ITCH: variants seen among roughly 807,000 people sequenced by gnomAD.
The protein encoded by ITCH is itchy E3 ubiquitin protein ligase.
ITCH carries 28 observed loss-of-function variants against 126.8 expected under a neutral mutation model. The observed-to-expected ratio is 0.22, with a 90% CI of 0.16 to 0.30. The LOEUF (loss-of-function observed/expected upper bound fraction) is 0.30. Among genes scored for constraint, ITCH ranks in the 10% least tolerant of loss-of-function variants. The probability of loss-of-function intolerance (pLI) is 1.00; values close to 1 mark genes in which losing one functional copy is unlikely to be tolerated. For missense variants in ITCH, 631 were observed against 1,032.4 expected (o/e 0.61, Z 5.33); for synonymous variants, 342 against 340.0 (o/e 1.01, Z -0.06).
chr20:34,435,509 T>G (rs1159616005), intron 7 of ITCH, among the ~76,000 whole-genome samples: 2 of 152,104 alleles, frequency 1.3e-5, no homozygotes, highest in Non-Finnish European at 2.9e-5. Context: ...AGAGTTTTTG[T>G]CTTTAATAAT....
intron 1 of ITCH, 83 bp from the exon 2 acceptor site, chr20:34,369,311 G>A (rs991496089): frequency 8.3e-5 from 32 of 384,830 alleles, no homozygotes; most frequent in South Asian, 2.9e-4. Context: ...CTAGCCTGGC[G>A]ACAGAGCAAG....
intron 2 of ITCH, among the ~76,000 whole-genome samples, chr20:34,382,731 T>C (rs1183608479): frequency 7.3e-6 from 1 of 137,548 alleles, no homozygotes; most frequent in Non-Finnish European, 1.5e-5. Flanking sequence ...ATTATTACTA[T>C]TATTATTATT....
intron 16 of ITCH, among the ~76,000 whole-genome samples, chr20:34,474,217 A>C (rs533173427): frequency 1.4e-5 from 2 of 145,296 alleles, no homozygotes; most frequent in Non-Finnish European, 3.0e-5. Context: ...GCAGAGGGGG[A>C]TTTGGCAGGG....
At chr20:34,414,448 C>T (rs1601842960) in intron 6 of ITCH, among the ~76,000 whole-genome samples, 1 of 130,730 alleles carries the variant, frequency 7.6e-6, no homozygotes. Context: ...TTAAATATGA[C>T]TTTAAATCCT....
At chr20:34,398,588 G>A (rs1384588996) in intron 3 of ITCH, among the ~76,000 whole-genome samples, 2 of 151,920 alleles carry the variant, frequency 1.3e-5, no homozygotes, top group African/African-American at 4.8e-5. Flanking sequence ...TAGTAAAAAC[G>A]GGTTTTCACC....
intron 3 of ITCH, among the ~76,000 whole-genome samples, chr20:34,398,793 G>T (rs1451964808): frequency 6.6e-6 from 1 of 151,680 alleles, no homozygotes; most frequent in African/African-American, 2.4e-5. Flanking sequence ...CTCAAGTGTA[G>T]GGCAAAAAAC....
intron 6 of ITCH, chr20:34,417,137 C>T (rs1394583571): frequency 2.9e-6 from 2 of 680,718 alleles, no homozygotes; most frequent in Non-Finnish European, 5.4e-6. Context: ...GCTCTGTTTG[C>T]CCAGGCTGGA....
chr20:34,373,078 G>T (rs893806629), intron 2 of ITCH, among the ~76,000 whole-genome samples: 2 of 150,830 alleles, frequency 1.3e-5, no homozygotes, highest in African/African-American at 2.4e-5. Flanking sequence ...GGGTTCAAGC[G>T]ATTCTCCTGC....
At chr20:34,402,123 C>T in intron 3 of ITCH, 1 of 919,036 alleles carries the variant, frequency 1.1e-6, no homozygotes, top group Non-Finnish European at 1.8e-6. Flanking sequence ...ACCAGCTATG[C>T]AGAAAGGGCT....
At chr20:34,486,665 T>TTTAA (rs148394049) in intron 20 of ITCH, among the ~76,000 whole-genome samples, 1 of 149,104 alleles carries the variant, frequency 6.7e-6, no homozygotes, top group Admixed American at 6.7e-5. Flanking sequence ...ATTTTATTTA[T>TTTAA]TTTATTTATT....
chr20:34,462,279 A>G (rs1364573447), intron 14 of ITCH, 58 bp downstream of exon 14: 3 of 1,555,242 alleles, frequency 1.9e-6, no homozygotes, highest in African/African-American at 1.4e-5. Context: ...AGATTTTGAT[A>G]TAAAGATTTG....
chr20:34,397,354 C>T (rs2038715109), intron 3 of ITCH, among the ~76,000 whole-genome samples: 1 of 152,168 alleles, frequency 6.6e-6, no homozygotes, highest in Non-Finnish European at 1.5e-5. Context: ...TTTGTACTAG[C>T]TAGAATGAGT....
chr20:34,447,603 A>G (rs547878303), intron 11 of ITCH, among the ~76,000 whole-genome samples: 3 of 152,284 alleles, frequency 2.0e-5, no homozygotes, highest in Admixed American at 6.5e-5. Context: ...TTATCCGTCC[A>G]GGGAGAGCCA....
intron 7 of ITCH, among the ~76,000 whole-genome samples, chr20:34,424,847 A>G (rs1013230654): frequency 4.6e-5 from 7 of 152,172 alleles, no homozygotes; most frequent in African/African-American, 1.7e-4. Context: ...AGAAAAACTG[A>G]GATAGGAGCT....
At chr20:34,491,168 T>C (rs1030671727) in intron 22 of ITCH, among the ~76,000 whole-genome samples, 2 of 152,164 alleles carry the variant, frequency 1.3e-5, no homozygotes, top group African/African-American at 2.4e-5. Flanking sequence ...AGTCAAAAAT[T>C]TGTAAGCCAG....
intron 7 of ITCH, among the ~76,000 whole-genome samples, chr20:34,431,208 G>GT (rs1040270757): frequency 2.6e-5 from 4 of 152,130 alleles, no homozygotes; most frequent in African/African-American, 9.7e-5. Flanking sequence ...CAGCCCAGGA[G>GT]TTTGAGACCA....
rs113468730 is a variant in ITCH at position 34,479,649 on chromosome 20, T to C, written c.1678T>C (p.Ser560Pro). The C allele has an allele frequency of 6.2e-7, 1 of 1,613,966 alleles. No individual in the cohort carries two copies. Among genetic ancestry groups the C allele is most frequent in the Non-Finnish European group, 8.5e-7 (1 of 1,179,870 alleles). The stretch of plus-strand genomic sequence containing the variant: ...TTTCAGAGAATGGTTCTTTCTTTTG[T>C]CACATGAAGTGTTGAACCCAATGTA... ...GVAREWFFLL[S>P]HEVLNPMYCL... is the part of the protein sequence containing the mutation. Residue 560 changes from serine (S) to proline (P), a missense_variant, in exon 18 of 25, where the codon TCA becomes CCA. Ser to Pro is a moderately conservative substitution (Grantham distance 74, BLOSUM62 -1). Around this residue, in one of 4 missense-constraint regions of ITCH, gnomAD observed 390 missense variants for 731.6 expected, o/e 0.53. Transcript: ENST00000374864.
At chr20:34,474,671 C>T (rs1312367327) in intron 16 of ITCH, among the ~76,000 whole-genome samples, 1 of 152,226 alleles carries the variant, frequency 6.6e-6, no homozygotes, top group African/African-American at 2.4e-5. Flanking sequence ...TCTCAATGAG[C>T]TGTTGGGTAC....
intron 20 of ITCH, 134 bp downstream of exon 20, chr20:34,481,340 C>A: frequency 1.0e-6 from 1 of 970,640 alleles, no homozygotes; most frequent in Non-Finnish European, 1.5e-6. Flanking sequence ...TGTAGGCAGT[C>A]ATTTTTCATT....
Sources: gnomAD v4.1 joint callset for allele counts (sites outside exome capture counted in the v4.1 genomes callset) on GRCh38, gnomAD v4.1.1 for gene constraint, gnomAD v4.1.1 regional missense constraint, MANE v1.5 for transcripts, NCBI Gene and HGNC (gene_info 2026-07-23, HGNC 2026-07-21) for gene names.